MAN1A1: variants seen among roughly 807,000 people sequenced by gnomAD.
The protein encoded by MAN1A1 is mannosidase alpha class 1A member 1, also known as mannosyl-oligosaccharide 1,2-alpha-mannosidase IA.
In MAN1A1, 29 loss-of-function variants were observed where a neutral mutation model predicts 70.8. The observed-to-expected ratio is 0.41, with a 90% CI of 0.31 to 0.56. The LOEUF (loss-of-function observed/expected upper bound fraction) is 0.56. MAN1A1 is among the 20% of genes least tolerant of loss of function. The pLI, the probability that MAN1A1 is intolerant of heterozygous loss-of-function variation, is 0.29. For missense variants in MAN1A1, 747 were observed against 841.3 expected, an observed-to-expected ratio of 0.89 and a Z score of 1.39; for synonymous variants, 349 against 330.1, an observed-to-expected ratio of 1.06 and a Z score of -0.62.
In MAN1A1 at chr6:119,270,432, T is replaced by C. The variant is rs150149820; in HGVS notation, c.897+20251A>G. Among the ~76,000 whole-genome samples the C allele has an allele frequency of 6.1e-3, 922 of 152,326 alleles. 5 individuals are homozygous for C. Among genetic ancestry groups the C allele is most frequent in the African/African-American group, 0.021 (873 of 41,584 alleles). On this transcript the variant is annotated intron_variant, in intron 5 of 12. Coordinates refer to ENST00000368468, the MANE Select transcript of MAN1A1 (RefSeq NM_005907.4). The stretch of plus-strand genomic sequence containing the variant: ...AAAGTATACACTTTAGTGGCTTTAG[T>C]ATACTCACACTGAGTTGATTCACAA...
At chr6:119,313,505 C>A (rs1433791963) in intron 2 of MAN1A1, among the ~76,000 whole-genome samples, 4 of 152,144 alleles carry the variant, frequency 2.6e-5, no homozygotes, top group Admixed American at 6.5e-5. Flanking sequence ...TTCCCAAAGG[C>A]TGTCAAGGTG....
At chr6:119,251,023 C>T (rs1042770515) in intron 5 of MAN1A1, among the ~76,000 whole-genome samples, 10 of 152,166 alleles carry the variant, frequency 6.6e-5, no homozygotes, top group African/African-American at 2.4e-4. Flanking sequence ...CTAAGTATCA[C>T]TGTTAACTCA....
At chr6:119,285,664 A>G (rs1776352091) in intron 5 of MAN1A1, among the ~76,000 whole-genome samples, 1 of 150,870 alleles carries the variant, frequency 6.6e-6, no homozygotes, top group Admixed American at 6.6e-5. Flanking sequence ...CTGGATTTAA[A>G]TCTACCTAAT....
At chr6:119,215,972 T>A (rs888579946) in intron 6 of MAN1A1, among the ~76,000 whole-genome samples, 6 of 152,194 alleles carry the variant, frequency 3.9e-5, no homozygotes, top group Admixed American at 1.3e-4. Flanking sequence ...AACGATCGAA[T>A]GAACCTGCCA....
intron 8 of MAN1A1, among the ~76,000 whole-genome samples, chr6:119,195,809 A>G (rs1331955315): frequency 6.6e-6 from 1 of 152,238 alleles, no homozygotes; most frequent in Non-Finnish European, 1.5e-5. Context: ...TTTTTGCAGA[A>G]AGTGTAGAAT....
rs556572357 is a variant in MAN1A1, at chr6:119,203,590, G to C, written c.1116+1169C>G. The stretch of plus-strand genomic sequence containing the variant: ...TGTATGGTGTACATACAGTACACCA[G>C]GTGACCTGATGGATCCCAGATCAGG... On this transcript the variant is annotated intron_variant, in intron 7 of 12. Coordinates refer to ENST00000368468, the MANE Select transcript of MAN1A1 (RefSeq NM_005907.4). 2.3e-4 allele frequency among the ~76,000 whole-genome samples: 35 copies of C among 152,174 alleles called. No homozygotes were observed. In the South Asian group the frequency reaches 6.4e-3, roughly 28 times the overall value.
chr6:119,182,169 G>C (rs534599390), intron 11 of MAN1A1, among the ~76,000 whole-genome samples: 3 of 152,232 alleles, frequency 2.0e-5, no homozygotes, highest in Admixed American at 6.5e-5. Context: ...CCATCTGTAC[G>C]TCTTCTTTGG....
chr6:119,308,353 GA>G (rs1315892955), intron 2 of MAN1A1, among the ~76,000 whole-genome samples: 1 of 152,094 alleles, frequency 6.6e-6, no homozygotes, highest in Admixed American at 6.6e-5. Flanking sequence ...ACAATCAAAA[GA>G]ATGTGTATAT....
chr6:119,195,846 A>G (rs1445198155), intron 8 of MAN1A1, among the ~76,000 whole-genome samples: 3 of 152,244 alleles, frequency 2.0e-5, no homozygotes, highest in Non-Finnish European at 2.9e-5. Flanking sequence ...GTGTAAAAAT[A>G]TATTTTAAAA....
chr6:119,237,709 C>T (rs1774892666), intron 6 of MAN1A1, among the ~76,000 whole-genome samples: 1 of 152,138 alleles, frequency 6.6e-6, no homozygotes, highest in South Asian at 2.1e-4. Flanking sequence ...TAAAATATTG[C>T]TCAGCTCCTC....
chr6:119,256,710 A>G (rs1420900359), intron 5 of MAN1A1, among the ~76,000 whole-genome samples: 1 of 152,208 alleles, frequency 6.6e-6, no homozygotes, highest in East Asian at 1.9e-4. Context: ...CAGTTATGTC[A>G]TAAAGAAAAT....
At chr6:119,203,418 G>T (rs1773770531) in intron 7 of MAN1A1, among the ~76,000 whole-genome samples, 1 of 152,108 alleles carries the variant, frequency 6.6e-6, no homozygotes, top group Non-Finnish European at 1.5e-5. Flanking sequence ...CAGAGGTGAG[G>T]AGACAAAGGG....
chr6:119,284,212 T>C (rs942848010), intron 5 of MAN1A1, among the ~76,000 whole-genome samples: 1 of 152,204 alleles, frequency 6.6e-6, no homozygotes, highest in African/African-American at 2.4e-5. Context: ...GAAGGGATAC[T>C]TGATTTCTTC....
Position 119,189,878 on chromosome 6 carries a change from G to A in MAN1A1, c.1332C>T (p.Ile444=), listed in dbSNP as rs776017612. The A allele has an allele frequency of 3.1e-6, 5 of 1,611,172 alleles. No individual in the cohort carries two copies. The highest frequency in any genetic ancestry group is 3.3e-5 in the Admixed American group (2 of 59,892). ...TAGACTTGCGGATCAAATGAGTCTC[G>A]ATAGCCTGTGAAAAACACTTATTTT... The part of the protein sequence containing the change: ...KKMYFDAVQA[I]ETHLIRKSSS... Residue 444 remains isoleucine (I), a synonymous_variant, in exon 10 of 13, where the codon ATC becomes ATT. Transcript: ENST00000368468.
At chr6:119,221,941 T>C (rs1247802819) in intron 6 of MAN1A1, among the ~76,000 whole-genome samples, 1 of 152,214 alleles carries the variant, frequency 6.6e-6, no homozygotes, top group Non-Finnish European at 1.5e-5. Flanking sequence ...TTTCTCCATA[T>C]TAATATACTT....
chr6:119,333,668 A>AGTCAAAAGTGGAGAATTTCT, intron 2 of MAN1A1, among the ~76,000 whole-genome samples: 1 of 152,250 alleles, frequency 6.6e-6, no homozygotes, highest in Admixed American at 6.5e-5. Flanking sequence ...TTACCAGATC[A>AGTCAAAAGTGGAGAATTTCT]GTCAAAAGTG....
chr6:119,187,237 T>C (rs1413768482), intron 11 of MAN1A1, among the ~76,000 whole-genome samples: 1 of 152,244 alleles, frequency 6.6e-6, no homozygotes, highest in African/African-American at 2.4e-5. Context: ...TATGGTGTTT[T>C]AGATTTGATG....
At chr6:119,277,123 T>C (rs1776088407) in intron 5 of MAN1A1, among the ~76,000 whole-genome samples, 1 of 152,216 alleles carries the variant, frequency 6.6e-6, no homozygotes, top group African/African-American at 2.4e-5. Context: ...TCAAGGCTTA[T>C]GTTTATTTTA....
At chr6:119,279,681 CCAA>C (rs1232997286) in intron 5 of MAN1A1, among the ~76,000 whole-genome samples, 2 of 152,190 alleles carry the variant, frequency 1.3e-5, no homozygotes, top group African/African-American at 4.8e-5. Context: ...TTATTTGCCA[CCAA>C]GTCTAATAAG....
Sources: gnomAD v4.1 joint callset for allele counts (sites outside exome capture counted in the v4.1 genomes callset) on GRCh38, gnomAD v4.1.1 for gene constraint, MANE v1.5 for transcripts, NCBI Gene and HGNC (gene_info 2026-07-23, HGNC 2026-07-21) for gene names.